The following HS6ST2 variants were observed in gnomAD, a reference collection of about 807,000 sequenced individuals.
HS6ST2 encodes heparan-sulfate 6-O-sulfotransferase 2.
HS6ST2 carries 17 observed loss-of-function variants against 33.0 expected under a neutral mutation model. That is an observed-to-expected ratio of 0.52 (90% confidence interval 0.35 to 0.77). HS6ST2 has a LOEUF of 0.77. Ranked by LOEUF, HS6ST2 falls within the 30% of genes least tolerant of loss-of-function variation. The pLI is 0.01. For missense variants in HS6ST2, 519 were observed against 551.7 expected (o/e 0.94, Z 0.59); for synonymous variants, 248 against 237.1 (o/e 1.05, Z -0.42).
In HS6ST2 at chrX:132,905,206, T is replaced by C. The variant is rs375621532; in HGVS notation, c.947+51602A>G. On this transcript the variant is annotated intron_variant, in intron 2 of 4. Transcript: ENST00000370833. ...TTGTTATGATCCTTATGACATCTTTTGAAGAACAAAATGACTTCACTTCAA... is the reference window on the plus strand; with the variant it reads ...TTGTTATGATCCTTATGACATCTTTCGAAGAACAAAATGACTTCACTTCAA... Among the ~76,000 whole-genome samples, 12 of 112,165 alleles carry C rather than the reference T, an allele frequency of 1.1e-4. No homozygotes were observed. In the South Asian group the frequency reaches 4.5e-3, roughly 42 times the overall value.
chrX:132,637,968 T>TTATA (rs200433709), intron 4 of HS6ST2, among the ~76,000 whole-genome samples: 18 of 75,693 alleles, frequency 2.4e-4, no homozygotes, highest in African/African-American at 6.5e-4. Context: ...ATAAAATATT[T>TTATA]TATATATATA....
intron 2 of HS6ST2, among the ~76,000 whole-genome samples, chrX:132,927,870 AAAAAG>A (rs1569504378): frequency 1.1e-4 from 12 of 109,567 alleles, no homozygotes; most frequent in Admixed American, 9.1e-4. Context: ...AAAAAAAAAA[AAAAAG>A]AAAAGAAAAG....
At chrX:132,647,185 C>T (rs1176571773) in intron 4 of HS6ST2, among the ~76,000 whole-genome samples, 4 of 111,385 alleles carry the variant, frequency 3.6e-5, no homozygotes, top group Non-Finnish European at 7.5e-5. Context: ...GTCTTCTCCA[C>T]ATCCCACCTC....
rs36028236 is a variant in HS6ST2, at chrX:132,708,299, TAAAAAAAAAAAAA to T, written c.980+150_980+162del. On this transcript the variant is annotated intron_variant, in intron 3 of 4. Transcript: ENST00000370833. ...CTGGGTAGTTTCAGCTGTTTTAAAC[TAAAAAAAAAAAAA>T]AAAAAAAAAAAAAAAAGCCCTGGAA... Among the ~76,000 whole-genome samples, 9 of 21,212 alleles carry T rather than the reference TAAAAAAAAAAAAA, an allele frequency of 4.2e-4. No individual in the cohort carries two copies. In the East Asian group the frequency reaches 8.3e-3, roughly 20 times the overall value. 18.4% of individuals were successfully genotyped at this position (21,212 alleles called of 115,157 possible). A position where few individuals can be genotyped will look rare whatever the true frequency, so the allele number is the denominator to read the frequency against.
intron 2 of HS6ST2, among the ~76,000 whole-genome samples, chrX:132,719,618 C>A (rs1297710869): frequency 2.7e-5 from 3 of 112,017 alleles, no homozygotes; most frequent in African/African-American, 9.7e-5. Flanking sequence ...ATGTGCTTTT[C>A]ACACTAGCAA....
intron 2 of HS6ST2, among the ~76,000 whole-genome samples, chrX:132,848,987 G>A (rs867821481): frequency 1.8e-5 from 2 of 111,512 alleles, no homozygotes; most frequent in African/African-American, 3.3e-5. Context: ...GTGTGCACAG[G>A]GGAAAGCTTG....
chrX:132,776,126 G>A (rs1035545712), intron 2 of HS6ST2, among the ~76,000 whole-genome samples: 13 of 111,746 alleles, frequency 1.2e-4, no homozygotes, highest in African/African-American at 4.2e-4. Flanking sequence ...GGTGGATGGC[G>A]AATAAGATAA....
chrX:132,739,877 T>C (rs2064551929), intron 2 of HS6ST2, among the ~76,000 whole-genome samples: 1 of 111,967 alleles, frequency 8.9e-6, no homozygotes, highest in Non-Finnish European at 1.9e-5. Flanking sequence ...TATGTAATAT[T>C]CTAGCCTATG....
chrX:132,866,163 G>A (rs182366297), intron 2 of HS6ST2, among the ~76,000 whole-genome samples: 2 of 111,239 alleles, frequency 1.8e-5, no homozygotes, highest in East Asian at 5.6e-4. Flanking sequence ...TGTATAAGGT[G>A]TAAGGAAGGG....
intron 2 of HS6ST2, among the ~76,000 whole-genome samples, chrX:132,856,220 C>A (rs2065851092): frequency 8.9e-6 from 1 of 112,129 alleles, no homozygotes; most frequent in Non-Finnish European, 1.9e-5. Flanking sequence ...TACGTGATCA[C>A]AGTATAAGAT....
chrX:132,864,185 G>A (rs1057071472), intron 2 of HS6ST2, among the ~76,000 whole-genome samples: 2 of 109,717 alleles, frequency 1.8e-5, no homozygotes, highest in African/African-American at 6.6e-5. Flanking sequence ...AAACCAGCAC[G>A]CCTCTTCACC....
intron 4 of HS6ST2, among the ~76,000 whole-genome samples, chrX:132,663,934 A>G (rs2063792614): frequency 8.9e-6 from 1 of 112,753 alleles, no homozygotes; most frequent in Admixed American, 9.3e-5. Flanking sequence ...GGACATAGAA[A>G]CAGCTGAAGT....
chrX:132,737,911 C>T (rs2064524706), intron 2 of HS6ST2, among the ~76,000 whole-genome samples: 1 of 112,350 alleles, frequency 8.9e-6, no homozygotes, highest in African/African-American at 3.2e-5. Flanking sequence ...AGAGAAGACG[C>T]CTGCAGGGTT....
At chrX:132,756,906 C>G (rs1244604155) in intron 2 of HS6ST2, among the ~76,000 whole-genome samples, 3 of 108,224 alleles carry the variant, frequency 2.8e-5, no homozygotes, top group Non-Finnish European at 5.7e-5. Context: ...ACAGAGTACC[C>G]CAGAGCAGAA....
rs530001256 is a variant in HS6ST2 at position 132,766,038 on chromosome X, G to T, written c.948-57544C>A. ...GCCTTAGACTCACGTGGCAAAGCCT[G>T]TTAAAAGTGCAGATTCTGAGCCTCG... On this transcript the variant is annotated intron_variant, in intron 2 of 4. Transcript: ENST00000370833. 2.0e-3 allele frequency among the ~76,000 whole-genome samples: 220 copies of T among 111,828 alleles called. 2 individuals are homozygous for T. In the Middle Eastern group the frequency reaches 0.032, roughly 16 times the overall value.
intron 2 of HS6ST2, among the ~76,000 whole-genome samples, chrX:132,870,743 T>C (rs2066049353): frequency 9.0e-6 from 1 of 111,609 alleles, no homozygotes; most frequent in Non-Finnish European, 1.9e-5. Context: ...GCCCCTTCCT[T>C]ACACCTTATA....
intron 2 of HS6ST2, among the ~76,000 whole-genome samples, chrX:132,942,934 G>C (rs1487099176): frequency 8.9e-6 from 1 of 111,734 alleles, no homozygotes; most frequent in African/African-American, 3.2e-5. Flanking sequence ...TACAGTTAAG[G>C]TCCTCATTTT....
intron 2 of HS6ST2, among the ~76,000 whole-genome samples, chrX:132,793,501 A>G (rs2065140931): frequency 9.0e-6 from 1 of 111,617 alleles, no homozygotes; most frequent in Non-Finnish European, 1.9e-5. Context: ...AATGGTTCCC[A>G]TCTTCCTCCT....
intron 2 of HS6ST2, among the ~76,000 whole-genome samples, chrX:132,871,097 T>A (rs1398168048): frequency 2.7e-5 from 3 of 111,278 alleles, no homozygotes; most frequent in Non-Finnish European, 5.7e-5. Context: ...AACAACCCCA[T>A]CAAAAAGTGG....
Sources: allele counts gnomAD v4.1 joint callset (sites outside exome capture counted in the v4.1 genomes callset), GRCh38; gene constraint gnomAD v4.1.1; transcripts MANE v1.5; gene names NCBI Gene and HGNC (gene_info 2026-07-23, HGNC 2026-07-21).